LYPLAL1: variants seen among roughly 807,000 people sequenced by gnomAD.
LYPLAL1 encodes lysophospholipase like 1, also known as lysophospholipase-like protein 1.
LYPLAL1 carries 23 observed loss-of-function variants against 19.7 expected under a neutral mutation model. The ratio of observed to expected loss-of-function variants is 1.17; its 90% confidence interval spans 0.84 to 1.65. The LOEUF (loss-of-function observed/expected upper bound fraction) is 1.65. Among genes scored for constraint, LYPLAL1 ranks in the 40% most tolerant of loss-of-function variants. LYPLAL1 has a pLI of 0.00. For missense variants in LYPLAL1, 355 were observed against 279.4 expected (o/e 1.27, Z -1.93); for synonymous variants, 119 against 96.3 (o/e 1.24, Z -1.38).
intron 3 of LYPLAL1, among the ~76,000 whole-genome samples, chr1:219,194,429 T>C (rs1290706746): frequency 6.6e-6 from 1 of 151,990 alleles, no homozygotes; most frequent in African/African-American, 2.4e-5. Flanking sequence ...GTCCCCACTA[T>C]GTGCTACGCA....
chr1:219,183,823 C>G (rs896744108), intron 2 of LYPLAL1, among the ~76,000 whole-genome samples: 1 of 151,810 alleles, frequency 6.6e-6, no homozygotes, highest in African/African-American at 2.4e-5. Context: ...GTTTATTTAT[C>G]TACTGTTGTT....
the LYPLAL1 span, among the ~76,000 whole-genome samples, chr1:219,375,292 C>G: frequency 6.6e-6 from 1 of 151,964 alleles, no homozygotes; most frequent in South Asian, 2.1e-4. Flanking sequence ...CATGGAGAAA[C>G]CCCGTCTCTA....
chr1:219,366,249 T>C, the LYPLAL1 span, among the ~76,000 whole-genome samples: 2 of 152,272 alleles, frequency 1.3e-5, no homozygotes, highest in Non-Finnish European at 2.9e-5. Flanking sequence ...TGTTTAAATA[T>C]CCAATATGCA....
intron 2 of LYPLAL1, among the ~76,000 whole-genome samples, chr1:219,185,230 G>C (rs1214147866): frequency 6.6e-6 from 1 of 151,506 alleles, no homozygotes; most frequent in African/African-American, 2.4e-5. Context: ...TTTATGATTT[G>C]TTGTTGATAA....
the LYPLAL1 span, among the ~76,000 whole-genome samples, chr1:219,421,950 C>T: frequency 6.6e-6 from 1 of 152,126 alleles, no homozygotes; most frequent in Non-Finnish European, 1.5e-5. Context: ...CTTTCACCAA[C>T]AAAAATTTGA....
At chr1:219,233,980 G>A in the LYPLAL1 span, among the ~76,000 whole-genome samples, 2,730 of 152,238 alleles carry the variant, frequency 0.018, 30 homozygotes, top group South Asian at 0.041. Flanking sequence ...GGGTGATGGG[G>A]CAGAGGAGGA....
the LYPLAL1 span, among the ~76,000 whole-genome samples, chr1:219,325,983 G>T: frequency 3.9e-4 from 60 of 152,214 alleles, 1 homozygote; most frequent in Admixed American, 3.4e-3. Context: ...TTTCATCTCA[G>T]CTTACTACAA....
chr1:219,192,996 A>G, intron 2 of LYPLAL1, 86 bp from the exon 3 acceptor site: 1 of 1,314,542 alleles, frequency 7.6e-7, no homozygotes, highest in Non-Finnish European at 1.0e-6. Flanking sequence ...ATTTATTCAA[A>G]ACACTATTAT....
chr1:219,438,407 G>A, the LYPLAL1 span, among the ~76,000 whole-genome samples: 5 of 152,206 alleles, frequency 3.3e-5, no homozygotes, highest in Non-Finnish European at 5.9e-5. Context: ...GTCCATTAAA[G>A]AGGTCTATAA....
At chr1:219,182,788 A>G (rs552599991) in intron 2 of LYPLAL1, among the ~76,000 whole-genome samples, 1 of 152,044 alleles carries the variant, frequency 6.6e-6, no homozygotes, top group Non-Finnish European at 1.5e-5. Context: ...TATATTGAAG[A>G]TATCACTTGG....
At chr1:219,433,950 C>A in the LYPLAL1 span, among the ~76,000 whole-genome samples, 1 of 152,108 alleles carries the variant, frequency 6.6e-6, no homozygotes, top group Non-Finnish European at 1.5e-5. Flanking sequence ...CACACCTGGG[C>A]TCCTGAAATC....
the LYPLAL1 span, among the ~76,000 whole-genome samples, chr1:219,338,641 T>C: frequency 6.6e-6 from 1 of 151,856 alleles, no homozygotes; most frequent in African/African-American, 2.4e-5. Context: ...AAGTGGTAAT[T>C]CCCATTTTCA....
the LYPLAL1 span, among the ~76,000 whole-genome samples, chr1:219,376,954 A>C: frequency 3.3e-5 from 5 of 152,186 alleles, no homozygotes; most frequent in East Asian, 1.9e-4. Context: ...GAAAATTACT[A>C]TCTGGCCCAG....
rs1656222489 is a variant in LYPLAL1 at position 219,180,930 on chromosome 1, C to T, written c.191+1684C>T. Among the ~76,000 whole-genome samples the T allele has an allele frequency of 1.3e-5, 2 of 152,102 alleles. 1 individual carries two copies. Among genetic ancestry groups the T allele is most frequent in the South Asian group, 4.1e-4 (2 of 4,828 alleles). ...AAATATGAAATCATTGGACCAGCTT[C>T]ATGGTAACTTTTTGTTACACAGTTT... is the stretch of plus-strand genomic sequence containing the variant. On this transcript the variant is annotated intron_variant, in intron 2 of 4. Coordinates refer to ENST00000366928, the MANE Select transcript of LYPLAL1 (RefSeq NM_138794.5).
the LYPLAL1 span, chr1:219,222,232 G>A: frequency 5.9e-5 from 9 of 152,104 alleles, no homozygotes; most frequent in Non-Finnish European, 1.2e-4. Context: ...TATGCAGTAA[G>A]CAAACCACAT....
chr1:219,434,323 G>T, the LYPLAL1 span, among the ~76,000 whole-genome samples: 1 of 152,202 alleles, frequency 6.6e-6, no homozygotes, highest in East Asian at 1.9e-4. Context: ...GATTTAGGTT[G>T]AAGATTTGAC....
chr1:219,291,705 A>G, the LYPLAL1 span, among the ~76,000 whole-genome samples: 49 of 152,204 alleles, frequency 3.2e-4, no homozygotes, highest in South Asian at 9.8e-3. Context: ...AAGTTAGGCC[A>G]AGTCTTTTTC....
At chr1:219,336,227 C>G in the LYPLAL1 span, among the ~76,000 whole-genome samples, 35 of 151,666 alleles carry the variant, frequency 2.3e-4, no homozygotes, top group African/African-American at 8.0e-4. Flanking sequence ...TTTGGAGGCA[C>G]AGGGATGATG....
the LYPLAL1 span, among the ~76,000 whole-genome samples, chr1:219,239,915 G>A: frequency 1.8e-4 from 27 of 152,230 alleles, no homozygotes; most frequent in African/African-American, 6.0e-4. Flanking sequence ...CGGATTTGCC[G>A]AAGATTCAGT....
Sources: allele counts gnomAD v4.1 joint callset (sites outside exome capture counted in the v4.1 genomes callset), GRCh38; gene constraint gnomAD v4.1.1; transcripts MANE v1.5; gene names NCBI Gene and HGNC (gene_info 2026-07-23, HGNC 2026-07-21).